Variants in UNC13C observed in about 807,000 individuals in gnomAD.
The protein encoded by UNC13C is protein unc-13 homolog C.
A neutral mutation model predicts 245.4 loss-of-function variants in UNC13C; 174 were observed. That is an observed-to-expected ratio of 0.71 (90% CI 0.63 to 0.80). The LOEUF (loss-of-function observed/expected upper bound fraction) is 0.80. Ranked by LOEUF, UNC13C falls within the 30% of genes least tolerant of loss-of-function variation. The pLI is 0.00. For synonymous variants in UNC13C, 992 were observed against 895.1 expected (o/e 1.11, Z -1.93); for missense variants, 2,829 against 2,602.9 (o/e 1.09, Z -1.89).
At chr15:54,093,192 CAA>C (rs3985783) in intron 2 of UNC13C, among the ~76,000 whole-genome samples, 10,062 of 146,294 alleles carry the variant, frequency 0.069, 587 homozygotes, top group South Asian at 0.15. Context: ...ATGTAAATTA[CAA>C]AAAAAAAAAA....
chr15:54,409,174 T>C (rs892729078), intron 18 of UNC13C, among the ~76,000 whole-genome samples: 6 of 152,266 alleles, frequency 3.9e-5, no homozygotes, highest in Non-Finnish European at 8.8e-5. Flanking sequence ...ACAGCTCCTT[T>C]CTTGTGTTTA....
chr15:54,220,547 GTAAC>G (rs1442331216), intron 4 of UNC13C, among the ~76,000 whole-genome samples: 1 of 151,518 alleles, frequency 6.6e-6, no homozygotes, highest in East Asian at 1.9e-4. Context: ...GTATACATAT[GTAAC>G]TAACCTGCAC....
chr15:54,437,329 A>C (rs781448725), intron 19 of UNC13C, among the ~76,000 whole-genome samples: 11 of 151,964 alleles, frequency 7.2e-5, no homozygotes, highest in Non-Finnish European at 1.6e-4. Flanking sequence ...ATAGCATCTA[A>C]ATATTGTTGT....
intron 4 of UNC13C, among the ~76,000 whole-genome samples, chr15:54,151,817 G>C (rs1263912093): frequency 7.0e-6 from 1 of 142,912 alleles, no homozygotes; most frequent in Non-Finnish European, 1.6e-5. Context: ...GCCAGTTCCT[G>C]GCGCTGGAGC....
chr15:53,877,563 T>C, the UNC13C span, among the ~76,000 whole-genome samples: 3 of 148,460 alleles, frequency 2.0e-5, no homozygotes, highest in East Asian at 6.3e-4. Flanking sequence ...AGTGTGTTTG[T>C]GGATACAGAG....
intron 17 of UNC13C, among the ~76,000 whole-genome samples, chr15:54,359,731 A>C (rs2039185361): frequency 6.6e-6 from 1 of 151,630 alleles, no homozygotes; most frequent in African/African-American, 2.4e-5. Flanking sequence ...TGCTTATTTG[A>C]GTCTTCTCTC....
intron 17 of UNC13C, among the ~76,000 whole-genome samples, chr15:54,350,213 A>G (rs1596265654): frequency 6.6e-6 from 1 of 152,150 alleles, no homozygotes; most frequent in South Asian, 2.1e-4. Flanking sequence ...GATGGTCTTG[A>G]TCTCCTGACC....
chr15:54,306,527 G>A (rs115976729), intron 13 of UNC13C, among the ~76,000 whole-genome samples: 2,277 of 152,006 alleles, frequency 0.015, 67 homozygotes, highest in African/African-American at 0.052. Context: ...TATGCAATGT[G>A]TATGTTCCTA....
At chr15:54,096,348 A>AAAT (rs397802439) in intron 2 of UNC13C, among the ~76,000 whole-genome samples, 1 of 150,890 alleles carries the variant, frequency 6.6e-6, no homozygotes, top group African/African-American at 2.4e-5. Flanking sequence ...GGAAAAAAAA[A>AAAT]GTCTGTGATA....
At chr15:54,408,451 T>C (rs1393220707) in intron 18 of UNC13C, among the ~76,000 whole-genome samples, 5 of 152,044 alleles carry the variant, frequency 3.3e-5, no homozygotes, top group Admixed American at 3.3e-4. Context: ...GAATTAGAAA[T>C]AATAACAACT....
At chr15:53,943,771 C>G in the UNC13C span, among the ~76,000 whole-genome samples, 1 of 152,030 alleles carries the variant, frequency 6.6e-6, no homozygotes, top group African/African-American at 2.4e-5. Flanking sequence ...CTATCAGTCT[C>G]TGACATATTT....
intron 4 of UNC13C, among the ~76,000 whole-genome samples, chr15:54,177,123 C>T (rs2033641732): frequency 6.6e-6 from 1 of 152,010 alleles, no homozygotes; most frequent in Non-Finnish European, 1.5e-5. Flanking sequence ...AAAAATAAAG[C>T]AGCAGTATCA....
intron 10 of UNC13C, among the ~76,000 whole-genome samples, chr15:54,293,021 AT>A (rs1196981037): frequency 1.3e-5 from 2 of 151,190 alleles, no homozygotes; most frequent in African/African-American, 4.8e-5. Context: ...TACATATATA[AT>A]ATATGTATTT....
At chr15:54,630,238 G>A (rs904182572), downstream of UNC13C, 2 of 152,150 alleles carry the variant, frequency 1.3e-5, no homozygotes, top group African/African-American at 2.4e-5. Context: ...TTTGCTATTC[G>A]AAGGAATTTG....
At chr15:53,868,922 G>A in the UNC13C span, among the ~76,000 whole-genome samples, 1 of 152,090 alleles carries the variant, frequency 6.6e-6, no homozygotes. Context: ...GTTGAGACCA[G>A]CCTGAGCAAA....
chr15:54,513,018 G>T (rs1596497257), intron 24 of UNC13C, among the ~76,000 whole-genome samples: 1 of 152,102 alleles, frequency 6.6e-6, no homozygotes, highest in Non-Finnish European at 1.5e-5. Context: ...TGCCTTCATT[G>T]CAATCTCAGT....
intron 4 of UNC13C, among the ~76,000 whole-genome samples, chr15:54,214,208 C>A (rs139789275): frequency 5.1e-4 from 77 of 151,990 alleles, no homozygotes; most frequent in African/African-American, 1.8e-3. Context: ...GAATAACAAA[C>A]AACCAGAGCT....
At chr15:54,540,616 T>C (rs74014204) in intron 26 of UNC13C, among the ~76,000 whole-genome samples, 3,635 of 152,200 alleles carry the variant, frequency 0.024, 160 homozygotes, top group African/African-American at 0.082. Context: ...CATGTTATAT[T>C]GCGAATGTAT....
chr15:54,322,524 G>A (rs1376991697), intron 14 of UNC13C, among the ~76,000 whole-genome samples: 2 of 151,976 alleles, frequency 1.3e-5, no homozygotes, highest in African/African-American at 2.4e-5. Flanking sequence ...GGTACTGATG[G>A]ATAGTGGCAC....
Sources: allele counts gnomAD v4.1 joint callset (sites outside exome capture counted in the v4.1 genomes callset), GRCh38; gene constraint gnomAD v4.1.1; transcripts MANE v1.5; gene names NCBI Gene and HGNC (gene_info 2026-07-23, HGNC 2026-07-21).